The following FARSB variants were observed in gnomAD, a reference collection of about 807,000 sequenced individuals.
FARSB encodes the protein phenylalanyl-tRNA synthetase subunit beta.
Under a neutral mutation model 69.6 loss-of-function variants are expected in FARSB, and 40 were observed. The ratio of observed to expected loss-of-function variants is 0.57; its 90% CI spans 0.45 to 0.75. The LOEUF is 0.75. FARSB is among the 30% of genes least tolerant of loss of function. FARSB has a pLI of 0.00. For synonymous variants in FARSB, 235 were observed against 247.2 expected, an observed-to-expected ratio of 0.95 and a Z score of 0.46; for missense variants, 632 against 722.9, an observed-to-expected ratio of 0.87 and a Z score of 1.44.
At chr2:222,631,782 A>C (rs1691432302) in intron 7 of FARSB, 108 bp from the exon 8 acceptor site, 1 of 739,272 alleles carries the variant, frequency 1.4e-6, no homozygotes, top group African/African-American at 1.8e-5. Context: ...AAACATATTA[A>C]AAACTAACAC....
chr2:222,634,609 T>A, intron 5 of FARSB, 68 bp from the exon 6 acceptor site: 2 of 1,299,720 alleles, frequency 1.5e-6, no homozygotes, highest in East Asian at 2.4e-5. Context: ...CAGATTTGAA[T>A]ATTCTAAAGC....
intron 1 of FARSB, among the ~76,000 whole-genome samples, chr2:222,652,741 C>T (rs898725618): frequency 2.0e-5 from 3 of 152,208 alleles, no homozygotes; most frequent in Admixed American, 1.3e-4. Flanking sequence ...AATCTGGTAA[C>T]AGATCCAGAG....
intron 14 of FARSB, among the ~76,000 whole-genome samples, chr2:222,616,067 T>A (rs1367616582): frequency 6.6e-6 from 1 of 152,202 alleles, no homozygotes. Flanking sequence ...AGCTTCTATA[T>A]CCAACTACCA....
intron 16 of FARSB, among the ~76,000 whole-genome samples, chr2:222,593,061 C>T (rs1690319073): frequency 6.6e-6 from 1 of 152,076 alleles, no homozygotes; most frequent in Non-Finnish European, 1.5e-5. Flanking sequence ...ATACTATTTG[C>T]AGTTTCAAGC....
chr2:222,645,357 G>A (rs987781083), intron 2 of FARSB, among the ~76,000 whole-genome samples: 9 of 152,194 alleles, frequency 5.9e-5, no homozygotes, highest in East Asian at 1.9e-4. Flanking sequence ...GTAAAATTAC[G>A]AATAGCAACT....
At chr2:222,614,001 C>G in intron 14 of FARSB, 73 bp from the exon 15 acceptor site, 2 of 854,190 alleles carry the variant, frequency 2.3e-6, no homozygotes, top group South Asian at 1.6e-5. Flanking sequence ...AGACAAAGAC[C>G]ATGGCAGAAA....
chr2:222,576,064 C>T (rs1267359075), intron 16 of FARSB, among the ~76,000 whole-genome samples: 1 of 150,598 alleles, frequency 6.6e-6, no homozygotes, highest in African/African-American at 2.4e-5. Context: ...TTTTAGGGAG[C>T]ATCAGAAGTA....
At chr2:222,587,098 T>C (rs1343643572) in intron 16 of FARSB, among the ~76,000 whole-genome samples, 1 of 152,152 alleles carries the variant, frequency 6.6e-6, no homozygotes, top group Non-Finnish European at 1.5e-5. Flanking sequence ...ACTGACCACA[T>C]AGTTGGAAGT....
intron 15 of FARSB, among the ~76,000 whole-genome samples, chr2:222,600,533 C>T (rs1302583778): frequency 6.6e-6 from 1 of 152,086 alleles, no homozygotes; most frequent in Non-Finnish European, 1.5e-5. Context: ...TTAGGGATGG[C>T]TACATAAAGT....
At chr2:222,587,591 CA>C (rs1300339014) in intron 16 of FARSB, among the ~76,000 whole-genome samples, 2 of 152,042 alleles carry the variant, frequency 1.3e-5, no homozygotes, top group Non-Finnish European at 2.9e-5. Context: ...AAAAGATCAA[CA>C]AAATTGATAG....
At chr2:222,624,248 G>A (rs969950056) in intron 12 of FARSB, 24 bp downstream of exon 12, 25 of 1,446,542 alleles carry the variant, frequency 1.7e-5, no homozygotes, top group Non-Finnish European at 2.3e-5. Context: ...AATAAGGAGT[G>A]TTTATTTAAG....
At position 222,631,671 on chromosome 2, in the gene FARSB, T is replaced by C. The variant is rs751695335; in HGVS notation, c.719A>G (p.Asp240Gly). 3 of 1,533,898 alleles carry C rather than the reference T, an allele frequency of 2.0e-6. No homozygotes were observed. The South Asian group carries it at 3.4e-5, about 17-fold the overall frequency. ...VLSMPPIING[D>G]HSRITVNTRN... ...AGTATTTACTGTTATTCTGGAATGA[T>C]CCCCTGCAATGAACACAAAACAATA... is the stretch of plus-strand genomic sequence containing the variant. The change falls in exon 8 of 17, where the codon GAT (aspartate) becomes GGT (glycine). Residue 240 changes from aspartate to glycine, a missense_variant. Coordinates refer to ENST00000281828, the MANE Select transcript of FARSB (RefSeq NM_005687.5).
At chr2:222,642,445 C>T (rs1691747073) in intron 3 of FARSB, among the ~76,000 whole-genome samples, 14 of 152,176 alleles carry the variant, frequency 9.2e-5, no homozygotes. Context: ...AGTTAGGAGG[C>T]TTCACTCCTG....
intron 15 of FARSB, among the ~76,000 whole-genome samples, chr2:222,609,167 A>T (rs1373971096): frequency 1.3e-5 from 2 of 152,218 alleles, no homozygotes; most frequent in Admixed American, 6.5e-5. Flanking sequence ...CAGTGACCAT[A>T]AAGGAATAAA....
chr2:222,599,383 C>T (rs1354167556), intron 16 of FARSB, among the ~76,000 whole-genome samples: 1 of 152,218 alleles, frequency 6.6e-6, no homozygotes, highest in Non-Finnish European at 1.5e-5. Context: ...GTTAGCCTAG[C>T]TTAAACTCTC....
At position 222,656,036 on chromosome 2, in the gene FARSB, T is replaced by C. The variant is rs771751493; in HGVS notation, c.38A>G (p.Gln13Arg). 1.4e-5 allele frequency: 22 copies of C among 1,596,756 alleles called. No individual in the cohort carries two copies. The highest frequency in any genetic ancestry group is 3.3e-4 in the Middle Eastern group (2 of 6,016). Reference protein sequence around the residue: ...TVSVKRDLLFQALGRTYTDEE... With the variant: ...TVSVKRDLLFRALGRTYTDEE... ...CTCACTGTAGGTGCGGCCCAGGGCT[T>C]GGAAGAGCAGATCACGCTTCACGCT... The change falls in exon 1 of 17, where the codon CAA becomes CGA. Residue 13 changes from glutamine (Q) to arginine (R), a missense_variant. Gln to Arg is a conservative substitution (Grantham distance 43). Transcript: ENST00000281828.
chr2:222,626,013 G>A (rs547779071), intron 10 of FARSB, among the ~76,000 whole-genome samples: 42 of 152,224 alleles, frequency 2.8e-4, no homozygotes, highest in African/African-American at 9.1e-4. Context: ...TTGGGAGGCC[G>A]AGGTGGGTGG....
intron 7 of FARSB, 133 bp downstream of exon 7, chr2:222,633,066 C>G: frequency 4.8e-6 from 3 of 627,538 alleles, no homozygotes; most frequent in East Asian, 5.7e-5. Context: ...TGATTAGAAT[C>G]TACAAAAGAC....
chr2:222,585,100 C>T (rs1318535067), intron 16 of FARSB, among the ~76,000 whole-genome samples: 5 of 152,270 alleles, frequency 3.3e-5, no homozygotes, highest in South Asian at 4.1e-4. Context: ...CAGTAGGGGC[C>T]GACTGACACC....
Sources: allele counts gnomAD v4.1 joint callset (sites outside exome capture counted in the v4.1 genomes callset), GRCh38; gene constraint gnomAD v4.1.1; transcripts MANE v1.5; gene names NCBI Gene and HGNC (gene_info 2026-07-23, HGNC 2026-07-21).